Variants in SCHIP1 observed in about 807,000 individuals in gnomAD.
SCHIP1 encodes schwannomin-interacting protein 1.
Under a neutral mutation model 29.7 loss-of-function variants are expected in SCHIP1, and 8 were observed. The observed-to-expected ratio is 0.27, with a 90% confidence interval of 0.16 to 0.49. SCHIP1 has a LOEUF of 0.49. Among genes scored for constraint, SCHIP1 ranks in the 20% least tolerant of loss-of-function variants. The probability of loss-of-function intolerance (pLI) is 0.99; values close to 1 mark genes in which losing one functional copy is unlikely to be tolerated. For missense variants in SCHIP1, 193 were observed against 294.6 expected, an observed-to-expected ratio of 0.66 and a Z score of 2.52; for synonymous variants, 76 against 94.9, an observed-to-expected ratio of 0.80 and a Z score of 1.16.
the SCHIP1 span, among the ~76,000 whole-genome samples, chr3:159,465,349 G>A: frequency 4.0e-5 from 6 of 149,156 alleles, no homozygotes; most frequent in South Asian, 2.1e-4. Flanking sequence ...GTTTGTGTGC[G>A]TGTGTGTGTG....
At chr3:159,469,460 A>G in the SCHIP1 span, among the ~76,000 whole-genome samples, 1 of 152,314 alleles carries the variant, frequency 6.6e-6, no homozygotes, top group African/African-American at 2.4e-5. Flanking sequence ...GGAGTACAAT[A>G]ATACTCTCCT....
the SCHIP1 span, among the ~76,000 whole-genome samples, chr3:159,358,584 A>C: frequency 6.6e-6 from 1 of 152,166 alleles, no homozygotes; most frequent in African/African-American, 2.4e-5. Flanking sequence ...ACTTCCCAAA[A>C]AGAGCCACAC....
chr3:159,761,415 A>T, the SCHIP1 span, among the ~76,000 whole-genome samples: 1 of 152,340 alleles, frequency 6.6e-6, no homozygotes, highest in Middle Eastern at 3.4e-3. Context: ...GTTTCAAGAG[A>T]CAAATCTAAG....
At chr3:159,612,428 A>G in the SCHIP1 span, among the ~76,000 whole-genome samples, 1 of 152,222 alleles carries the variant, frequency 6.6e-6, no homozygotes, top group Non-Finnish European at 1.5e-5. Context: ...CAATGTTGGC[A>G]TAATTCTGAC....
At chr3:159,809,134 C>T in the SCHIP1 span, among the ~76,000 whole-genome samples, 2 of 150,858 alleles carry the variant, frequency 1.3e-5, no homozygotes, top group Non-Finnish European at 3.0e-5. Context: ...ATCCCTCCCC[C>T]AGCCCCCAAC....
At chr3:159,837,169 T>G (rs13088856), upstream of SCHIP1, among the ~76,000 whole-genome samples, 54,579 of 151,792 alleles carry the variant, frequency 0.36, 10,810 homozygotes, top group African/African-American at 0.53. Context: ...ATATATCCCA[T>G]TGTCTTCAGT....
chr3:159,836,825 CTAT>C (rs1247128308), upstream of SCHIP1, among the ~76,000 whole-genome samples: 1 of 152,166 alleles, frequency 6.6e-6, no homozygotes, highest in African/African-American at 2.4e-5. Flanking sequence ...GTTTGGTAAA[CTAT>C]TCTAGCTTAA....
chr3:159,809,640 A>G, the SCHIP1 span, among the ~76,000 whole-genome samples: 1 of 150,036 alleles, frequency 6.7e-6, no homozygotes, highest in Non-Finnish European at 1.5e-5. Flanking sequence ...AGCCTGGGCA[A>G]TGAGAGCAAA....
At chr3:159,627,266 C>A in the SCHIP1 span, among the ~76,000 whole-genome samples, 2 of 152,128 alleles carry the variant, frequency 1.3e-5, no homozygotes, top group African/African-American at 4.8e-5. Context: ...ACTATGGTAG[C>A]AGAGAATCTT....
the SCHIP1 span, among the ~76,000 whole-genome samples, chr3:159,417,378 A>T: frequency 6.6e-6 from 1 of 152,196 alleles, no homozygotes; most frequent in Non-Finnish European, 1.5e-5. Context: ...ACACCGATAG[A>T]AAAGTATTTC....
the SCHIP1 span, among the ~76,000 whole-genome samples, chr3:159,502,834 TGCAGGC>T: frequency 6.6e-6 from 1 of 152,202 alleles, no homozygotes; most frequent in Admixed American, 6.5e-5. Context: ...CTTGGCCAAG[TGCAGGC>T]GTATTTGAAC....
the SCHIP1 span, among the ~76,000 whole-genome samples, chr3:159,492,855 G>T: frequency 6.6e-6 from 1 of 152,170 alleles, no homozygotes; most frequent in Non-Finnish European, 1.5e-5. Context: ...CAGAGAGAAA[G>T]GTCGGGTTAC....
At chr3:159,543,854 T>C in the SCHIP1 span, among the ~76,000 whole-genome samples, 2,873 of 152,270 alleles carry the variant, frequency 0.019, 40 homozygotes, top group Middle Eastern at 0.085. Flanking sequence ...AGTGTTCCTA[T>C]TTCTCCACAT....
the SCHIP1 span, among the ~76,000 whole-genome samples, chr3:159,633,990 TTAG>T: frequency 6.6e-6 from 1 of 152,116 alleles, no homozygotes. Flanking sequence ...ACTAGTCAAC[TTAG>T]TAGTAATATT....
upstream of SCHIP1, among the ~76,000 whole-genome samples, chr3:159,837,216 A>G (rs1743745911): frequency 6.6e-6 from 1 of 152,124 alleles, no homozygotes; most frequent in African/African-American, 2.4e-5. Context: ...CAGCTTTTTA[A>G]GCTTTGCACA....
At chr3:159,653,524 G>A in the SCHIP1 span, among the ~76,000 whole-genome samples, 1 of 151,120 alleles carries the variant, frequency 6.6e-6, no homozygotes, top group African/African-American at 2.4e-5. Context: ...ACTTATAAGT[G>A]GGAGTTGAAC....
chr3:159,273,815 A>T, the SCHIP1 span: 1 of 1,613,418 alleles, frequency 6.2e-7, no homozygotes, highest in Admixed American at 1.7e-5. Context: ...GTAACTCTTC[A>T]GCACCATGGA....
At chr3:159,305,118 A>G in the SCHIP1 span, among the ~76,000 whole-genome samples, 1 of 151,102 alleles carries the variant, frequency 6.6e-6, no homozygotes, top group Non-Finnish European at 1.5e-5. Context: ...TCACCTTTCT[A>G]CTGCCCTGTC....
chr3:159,583,590 C>T, the SCHIP1 span, among the ~76,000 whole-genome samples: 1 of 152,066 alleles, frequency 6.6e-6, no homozygotes, highest in African/African-American at 2.4e-5. Flanking sequence ...TAAGAAAACA[C>T]AGAAAACTGA....
Sources: allele counts gnomAD v4.1 joint callset (sites outside exome capture counted in the v4.1 genomes callset), GRCh38; gene constraint gnomAD v4.1.1; transcripts MANE v1.5; gene names NCBI Gene and HGNC (gene_info 2026-07-23, HGNC 2026-07-21).